Variants in RANBP2 observed in about 807,000 individuals in gnomAD.
The protein encoded by RANBP2 is E3 SUMO-protein ligase RanBP2.
In RANBP2, 57 loss-of-function variants were observed where a neutral mutation model predicts 303.6. The ratio of observed to expected loss-of-function variants is 0.19; its 90% CI spans 0.15 to 0.23. RANBP2 has a LOEUF of 0.23. Among genes scored for constraint, RANBP2 ranks in the 10% least tolerant of loss-of-function variants. The pLI is 1.00. For synonymous variants in RANBP2, 1,167 were observed against 1,301.5 expected, an observed-to-expected ratio of 0.90 and a Z score of 2.23; for missense variants, 3,138 against 3,780.8, an observed-to-expected ratio of 0.83 and a Z score of 4.46.
In RANBP2 at chr2:108,763,807, G is replaced by C. The variant is rs777309334; in HGVS notation, c.3268G>C (p.Gly1090Arg). 5.6e-6 allele frequency: 9 copies of C among 1,613,900 alleles called. No homozygotes were observed. The highest frequency in any genetic ancestry group is 3.4e-6 in the Non-Finnish European group (4 of 1,179,984). Residue 1090 changes from glycine to arginine, a missense_variant, in exon 20 of 29, where the codon GGT becomes CGT. Physicochemically the swap from Gly to Arg is moderately radical, Grantham distance 125. Coordinates refer to ENST00000283195, the MANE Select transcript of RANBP2 (RefSeq NM_006267.5). ...TAGTGGAGCCAAACCAATTCCTGGTGGTCAAACCATTGGGCCTCGAAATAC... is the reference window on the plus strand; with the variant it reads ...TAGTGGAGCCAAACCAATTCCTGGTCGTCAAACCATTGGGCCTCGAAATAC... Reference protein sequence around the residue: ...GYSGAKPIPGGQTIGPRNTFN... With the variant: ...GYSGAKPIPGRQTIGPRNTFN...
the RANBP2 span, among the ~76,000 whole-genome samples, chr2:109,116,488 C>A: frequency 6.6e-6 from 1 of 152,200 alleles, no homozygotes; most frequent in African/African-American, 2.4e-5. Context: ...CCATCAGCTC[C>A]TTTAAGCACT....
chr2:109,207,018 G>A, the RANBP2 span, among the ~76,000 whole-genome samples: 2 of 152,140 alleles, frequency 1.3e-5, no homozygotes, highest in African/African-American at 4.8e-5. Flanking sequence ...CAGGAGGTGA[G>A]AACCACTCAG....
chr2:109,218,935 A>T, the RANBP2 span, among the ~76,000 whole-genome samples: 2 of 152,224 alleles, frequency 1.3e-5, no homozygotes, highest in Non-Finnish European at 2.9e-5. Context: ...CCCTGCACGG[A>T]CCAGGCTTGT....
chr2:109,243,123 C>T, the RANBP2 span, among the ~76,000 whole-genome samples: 2 of 152,232 alleles, frequency 1.3e-5, no homozygotes, highest in Admixed American at 1.3e-4. Context: ...GTCTTTCAGG[C>T]AGACAATTGG....
the RANBP2 span, among the ~76,000 whole-genome samples, chr2:109,334,741 C>T: frequency 7.9e-5 from 12 of 151,972 alleles, no homozygotes; most frequent in Non-Finnish European, 1.6e-4. Context: ...GAACAGGAGG[C>T]GATGGGCCAC....
At chr2:109,614,151 G>A in the RANBP2 span, 1 of 1,197,812 alleles carries the variant, frequency 8.3e-7, no homozygotes, top group Non-Finnish European at 1.0e-6. Flanking sequence ...GACGGCGCGA[G>A]GAATGCAGGC....
At chr2:109,247,635 T>C in the RANBP2 span, among the ~76,000 whole-genome samples, 1 of 152,242 alleles carries the variant, frequency 6.6e-6, no homozygotes, top group African/African-American at 2.4e-5. Context: ...ACCTCACAGT[T>C]GACGGACTGG....
At chr2:109,624,244 AGAGCGCTTTGAAAGCTAGCCTG>A in the RANBP2 span, among the ~76,000 whole-genome samples, 1 of 152,230 alleles carries the variant, frequency 6.6e-6, no homozygotes, top group Non-Finnish European at 1.5e-5. Context: ...GCCATCTGGC[AGAGCGCTTTGAAAGCTAGCCTG>A]AGAAATTGAT....
chr2:109,139,867 C>T, the RANBP2 span, among the ~76,000 whole-genome samples: 4 of 152,166 alleles, frequency 2.6e-5, no homozygotes, highest in East Asian at 3.9e-4. Flanking sequence ...CATCTGGAGT[C>T]GTGTGGACAG....
the RANBP2 span, among the ~76,000 whole-genome samples, chr2:109,349,877 C>T: frequency 1.3e-5 from 2 of 152,240 alleles, no homozygotes; most frequent in Non-Finnish European, 2.9e-5. Flanking sequence ...GGCTAGAGCC[C>T]ACTGGACAAG....
the RANBP2 span, among the ~76,000 whole-genome samples, chr2:108,961,390 C>A: frequency 1.3e-5 from 2 of 152,170 alleles, no homozygotes; most frequent in Middle Eastern, 3.2e-3. Flanking sequence ...ACACCCACCA[C>A]CAGTGGAGGC....
chr2:109,630,463 T>C, the RANBP2 span, among the ~76,000 whole-genome samples: 1 of 152,208 alleles, frequency 6.6e-6, no homozygotes, highest in South Asian at 2.1e-4. Context: ...TAGCCAATCC[T>C]ATACTGTCCA....
the RANBP2 span, among the ~76,000 whole-genome samples, chr2:109,485,961 G>T: frequency 1.3e-5 from 2 of 152,332 alleles, no homozygotes; most frequent in South Asian, 2.1e-4. Context: ...GAAGGTGGGG[G>T]CTCACCTGGA....
At chr2:109,009,716 T>G in the RANBP2 span, among the ~76,000 whole-genome samples, 1 of 150,224 alleles carries the variant, frequency 6.7e-6, no homozygotes, top group Non-Finnish European at 1.5e-5. Flanking sequence ...TTTTTGTTTT[T>G]TTTTTTTTTG....
chr2:109,215,051 G>A, the RANBP2 span, among the ~76,000 whole-genome samples: 1 of 152,198 alleles, frequency 6.6e-6, no homozygotes, highest in Non-Finnish European at 1.5e-5. Context: ...AACCAGTAAA[G>A]CTGTCCATGG....
At position 108,766,617 on chromosome 2, in the gene RANBP2, A is replaced by G. The variant is rs1200186607; in HGVS notation, c.6078A>G (p.Val2026=). 6.2e-7 allele frequency: 1 copy of G among 1,612,016 alleles called. No individual in the cohort carries two copies. Among genetic ancestry groups the G allele is most frequent in the Non-Finnish European group, 8.5e-7 (1 of 1,179,846 alleles). The change falls in exon 20 of 29, where the codon GTA becomes GTG. Residue 2026 remains valine, a synonymous_variant. Coordinates refer to ENST00000283195, the MANE Select transcript of RANBP2 (RefSeq NM_006267.5). ...AAATGCCCGAAAAAGTAGAACTTGTAACAGGAGAAGAAGATGAAAAAGTTC... is the reference window on the plus strand; with the variant it reads ...AAATGCCCGAAAAAGTAGAACTTGTGACAGGAGAAGAAGATGAAAAAGTTC... ...VVQMPEKVEL[V]TGEEDEKVLY... is the part of the protein sequence containing the mutation.
At chr2:109,522,338 C>A in the RANBP2 span, among the ~76,000 whole-genome samples, 1 of 150,880 alleles carries the variant, frequency 6.6e-6, no homozygotes, top group Non-Finnish European at 1.5e-5. Flanking sequence ...GTCCCCCAGG[C>A]TTGAGTGCGA....
the RANBP2 span, among the ~76,000 whole-genome samples, chr2:108,986,609 G>A: frequency 2.0e-5 from 3 of 152,130 alleles, no homozygotes; most frequent in African/African-American, 7.2e-5. Flanking sequence ...GTGGGACTTC[G>A]GGCAAGACAG....
chr2:108,879,855 C>G, the RANBP2 span, among the ~76,000 whole-genome samples: 1 of 152,224 alleles, frequency 6.6e-6, no homozygotes. Flanking sequence ...TTTACCTCCT[C>G]TCTTCCAACC....
Sources: allele counts gnomAD v4.1 joint callset (sites outside exome capture counted in the v4.1 genomes callset), GRCh38; gene constraint gnomAD v4.1.1; transcripts MANE v1.5; gene names NCBI Gene and HGNC (gene_info 2026-07-23, HGNC 2026-07-21).